The following C16orf74 variants were observed in gnomAD, a reference collection of about 807,000 sequenced individuals.
The protein encoded by C16orf74 is calcimembrin.
Under a neutral mutation model 6.5 loss-of-function variants are expected in C16orf74, and 10 were observed. The ratio of observed to expected loss-of-function variants is 1.54; its 90% confidence interval spans 0.95 to 2.61. The LOEUF (loss-of-function observed/expected upper bound fraction) is 2.61. Among genes scored for constraint, C16orf74 ranks in the 30% most tolerant of loss-of-function variants. The probability of loss-of-function intolerance (pLI) is 0.00; values close to 1 mark genes in which losing one functional copy is unlikely to be tolerated. For missense variants in C16orf74, 141 were observed against 105.9 expected (o/e 1.33, Z -1.45); for synonymous variants, 60 against 42.5 (o/e 1.41, Z -1.60).
At position 85,735,227 on chromosome 16, in the gene C16orf74, T is replaced by G. The variant is rs750182053; in HGVS notation, c.-10A>C. The stretch of plus-strand genomic sequence containing the variant: ...ACATCTTAAGCCCCATGTCGGCACC[T>G]CTGCAGGCCTGTGGAGAGAGGACAG... On this transcript the variant is annotated 5_prime_UTR_variant, in exon 2 of 4. Coordinates refer to ENST00000284245, the MANE Select transcript of C16orf74 (RefSeq NM_206967.3). The G allele has an allele frequency of 1.3e-6, 2 of 1,594,610 alleles. No individual in the cohort carries two copies. The highest frequency in any genetic ancestry group is 2.7e-5 in the African/African-American group (2 of 73,580).
At position 85,719,854 on chromosome 16, in the gene C16orf74, ACACAAAGGCCC is replaced by A. The variant is rs1240882887; in HGVS notation, c.29-9558_29-9548del. Among the ~76,000 whole-genome samples the A allele has an allele frequency of 1.7e-4, 25 of 144,826 alleles. 1 individual carries two copies. Among genetic ancestry groups the A allele is most frequent in the African/African-American group, 7.1e-4 (25 of 35,396 alleles). On this transcript the variant is annotated intron_variant, in intron 2 of 3. Transcript: ENST00000284245. ...ACATAGGGGCCACAGGCCACAGCAC[ACACAAAGGCCC>A]TGAGGCAGGAACAGAGGGGCCACAG...
In C16orf74 at chr16:85,728,792, G is replaced by A. The variant is rs115535928; in HGVS notation, c.28+6398C>T. Reference sequence around the variant, plus strand: ...TACAGACACAGAAACTGAGGCCTGGGCACGGGAAGTGACTTGCACAACGTT... The same window carrying A: ...TACAGACACAGAAACTGAGGCCTGGACACGGGAAGTGACTTGCACAACGTT... On this transcript the variant is annotated intron_variant, in intron 2 of 3. Transcript: ENST00000284245. 5.6e-3 allele frequency among the ~76,000 whole-genome samples: 860 copies of A among 152,318 alleles called. 8 individuals carry two copies. Among genetic ancestry groups the A allele is most frequent in the African/African-American group, 0.02 (826 of 41,566 alleles).
chr16:85,713,047 A>G (rs754998220), intron 2 of C16orf74, among the ~76,000 whole-genome samples: 1 of 152,152 alleles, frequency 6.6e-6, no homozygotes, highest in South Asian at 2.1e-4. Flanking sequence ...GGCGGCTGGA[A>G]CAATGGACAT....
intron 1 of C16orf74, among the ~76,000 whole-genome samples, chr16:85,738,162 T>C (rs1283932520): frequency 1.3e-5 from 2 of 151,678 alleles, no homozygotes; most frequent in African/African-American, 4.8e-5. Context: ...GGAGGATCAC[T>C]TGAGCCCAGG....
Position 85,744,786 on chromosome 16 carries a change from T to C in C16orf74, c.-19+6140A>G, listed in dbSNP as rs531925524. Among the ~76,000 whole-genome samples the C allele has an allele frequency of 6.9e-5, 9 of 131,056 alleles. No homozygotes were observed. The South Asian group carries it at 1.6e-3, about 23-fold the overall frequency. The allele number at this position is 131,056 out of a possible 152,430, so 86.0% of individuals were successfully genotyped here. On this transcript the variant is annotated intron_variant, in intron 1 of 3. Transcript: ENST00000284245. ...CAGAGCTTGCAGTGAGCCGAGATCG[T>C]GCCACTGCACTCCAGCCTGGGCAAC...
At chr16:85,732,927 G>C (rs906205959) in intron 2 of C16orf74, among the ~76,000 whole-genome samples, 1 of 152,116 alleles carries the variant, frequency 6.6e-6, no homozygotes, top group African/African-American at 2.4e-5. Flanking sequence ...CCAGCCCCAC[G>C]AGCCCTGATC....
intron 2 of C16orf74, among the ~76,000 whole-genome samples, chr16:85,734,752 G>C (rs1401525339): frequency 1.3e-5 from 2 of 152,224 alleles, no homozygotes; most frequent in Non-Finnish European, 2.9e-5. Flanking sequence ...CCCTTCAGTG[G>C]TTTTGTGTCC....
At chr16:85,709,458 G>C (rs842960) in intron 3 of C16orf74, among the ~76,000 whole-genome samples, 2 of 151,480 alleles carry the variant, frequency 1.3e-5, no homozygotes, top group African/African-American at 2.4e-5. Context: ...CATTTGTTAC[G>C]CTCAGTACAG....
In C16orf74 at chr16:85,710,170, T is replaced by C; in HGVS notation, c.166A>G (p.Ser56Gly). ...TGMMLPRDLG[S>G]TVWLDETGSC... ...GTGGAGGGGACGGCCTCACCTGTGCTCCCCAAGTCCCTCGGCAGCATCATG... is the reference window on the plus strand; with the variant it reads ...GTGGAGGGGACGGCCTCACCTGTGCCCCCCAAGTCCCTCGGCAGCATCATG... The change falls in exon 3 of 4, where the codon AGC becomes GGC. Residue 56 changes from serine to glycine, a missense_variant. Ser to Gly is a moderately conservative substitution (Grantham distance 56). Coordinates refer to ENST00000284245, the MANE Select transcript of C16orf74 (RefSeq NM_206967.3). 1 of 1,448,478 alleles carries C rather than the reference T, an allele frequency of 6.9e-7. No homozygotes were observed. The highest frequency in any genetic ancestry group is 1.5e-5 in the South Asian group (1 of 64,696). The allele number at this position is 1,448,478 out of a possible 1,614,324, so 89.7% of individuals were successfully genotyped here.
chr16:85,729,539 G>T (rs771126983), intron 2 of C16orf74, among the ~76,000 whole-genome samples: 65 of 152,340 alleles, frequency 4.3e-4, no homozygotes, highest in Middle Eastern at 3.4e-3. Flanking sequence ...GAGGTGAACT[G>T]ACTTAATGGG....
chr16:85,707,936 C>A lies in C16orf74; in HGVS notation c.*72G>T. The stretch of plus-strand genomic sequence containing the variant: ...GGGTATTCAGCACACCTGCTCCAGG[C>A]AGCCACGCCCCCGGACACCTGAAGC... On this transcript the variant is annotated 3_prime_UTR_variant, in exon 4 of 4. Coordinates refer to ENST00000284245, the MANE Select transcript of C16orf74 (RefSeq NM_206967.3). 1 of 1,344,750 alleles carries A rather than the reference C, an allele frequency of 7.4e-7. No individual in the cohort carries two copies. The highest frequency in any genetic ancestry group is 2.5e-5 in the East Asian group (1 of 40,040). The allele number at this position is 1,344,750 out of a possible 1,614,324, so 83.3% of individuals were successfully genotyped here. A position where few individuals can be genotyped will look rare whatever the true frequency, so the allele number is the denominator to read the frequency against.
At chr16:85,713,942 C>A (rs1188105552) in intron 2 of C16orf74, among the ~76,000 whole-genome samples, 1 of 152,180 alleles carries the variant, frequency 6.6e-6, no homozygotes, top group African/African-American at 2.4e-5. Flanking sequence ...GGTCCCTTCC[C>A]TGGAATGAGC....
chr16:85,747,453 A>T (rs2054386827), intron 1 of C16orf74, among the ~76,000 whole-genome samples: 1 of 151,974 alleles, frequency 6.6e-6, no homozygotes, highest in South Asian at 2.1e-4. Context: ...CCATCTCAAA[A>T]TAAATAAAAG....
At chr16:85,710,559 G>C in intron 2 of C16orf74, 8 of 457,234 alleles carry the variant, frequency 1.7e-5, no homozygotes, top group Non-Finnish European at 2.3e-5. Flanking sequence ...TCATAGGCTA[G>C]TTGGCCTCTG....
intron 1 of C16orf74, among the ~76,000 whole-genome samples, chr16:85,748,919 G>T (rs1014214014): frequency 2.9e-5 from 4 of 139,262 alleles, no homozygotes; most frequent in Admixed American, 1.5e-4. Context: ...TGATTGGGAG[G>T]CTTTGATTTT....
chr16:85,737,632 G>C (rs187551234), intron 1 of C16orf74, among the ~76,000 whole-genome samples: 1 of 152,088 alleles, frequency 6.6e-6, no homozygotes, highest in South Asian at 2.1e-4. Context: ...GAGTTCGAGA[G>C]CAGCCTGGCC....
intron 2 of C16orf74, among the ~76,000 whole-genome samples, chr16:85,717,610 G>A (rs936978421): frequency 1.3e-5 from 2 of 152,192 alleles, no homozygotes; most frequent in Non-Finnish European, 2.9e-5. Context: ...GTGCCGTGCC[G>A]CCTCTCCGCT....
intron 2 of C16orf74, among the ~76,000 whole-genome samples, chr16:85,720,216 G>C (rs534106005): frequency 6.6e-6 from 1 of 152,276 alleles, no homozygotes; most frequent in Non-Finnish European, 1.5e-5. Flanking sequence ...CCTAGCTTGC[G>C]TCAGGGATGA....
intron 1 of C16orf74, among the ~76,000 whole-genome samples, chr16:85,738,640 G>A (rs561858158): frequency 1.3e-5 from 2 of 151,682 alleles, no homozygotes; most frequent in South Asian, 4.2e-4. Flanking sequence ...CCGGCACTGG[G>A]ATTTTTAAAA....
Sources: allele counts gnomAD v4.1 joint callset (sites outside exome capture counted in the v4.1 genomes callset), GRCh38; gene constraint gnomAD v4.1.1; transcripts MANE v1.5; gene names NCBI Gene and HGNC (gene_info 2026-07-23, HGNC 2026-07-21).